The following PCSK4 variants were observed in gnomAD, a reference collection of about 807,000 sequenced individuals.
PCSK4 encodes the protein proprotein convertase subtilisin/kexin type 4, also known as testicular tissue protein Li 135.
In PCSK4, 64 loss-of-function variants were observed where a neutral mutation model predicts 80.3. The ratio of observed to expected loss-of-function variants is 0.80; its 90% CI spans 0.65 to 0.98. PCSK4 has a LOEUF of 0.98. Ranked by LOEUF, PCSK4 falls within the 50% of genes least tolerant of loss-of-function variation. PCSK4 has a pLI of 0.00. For missense variants in PCSK4, 1,213 were observed against 1,093.6 expected, an observed-to-expected ratio of 1.11 and a Z score of -1.54; for synonymous variants, 561 against 487.6, an observed-to-expected ratio of 1.15 and a Z score of -1.98.
intron 1 of PCSK4, 117 bp downstream of exon 1, chr19:1,490,041 G>T (rs1212329894): frequency 1.3e-6 from 2 of 1,520,986 alleles, no homozygotes; most frequent in Non-Finnish European, 1.8e-6. Flanking sequence ...TGAGGCAGGG[G>T]TGGGCTGGGA....
In PCSK4 at chr19:1,486,863, T is replaced by G. The variant is rs1273213235; in HGVS notation, c.1058A>C (p.Asp353Ala). Reference sequence around the variant, plus strand: ...GGCGGCTGCACTCACGATCTGGGGGTCGGTGGCCACGCCGCTGCTGTAGGT... The same window carrying G: ...GGCGGCTGCACTCACGATCTGGGGGGCGGTGGCCACGCCGCTGCTGTAGGT... The change falls in exon 8 of 15, where the codon GAC becomes GCC. Residue 353 changes from aspartate (D) to alanine (A), a missense_variant. By Grantham distance (126) the Asp-to-Ala change is moderately radical (BLOSUM62 -2). Transcript: ENST00000300954. 3 of 1,595,752 alleles carry G rather than the reference T, an allele frequency of 1.9e-6. No individual in the cohort carries two copies. In the Admixed American group the frequency reaches 5.0e-5, roughly 27 times the overall value.
chr19:1,483,669 G>A lies in PCSK4; in HGVS notation c.1372C>T (p.Arg458Trp), dbSNP rs1298029648. ...TCTCACGTGGGGCGGCTCTGGACCC[G>A]GACGGCGCACTTCCTCTGCGGCTGG... The change falls in exon 11 of 15, where the codon CGG (arginine) becomes TGG (tryptophan). Residue 458 changes from arginine to tryptophan, a missense_variant. Coordinates refer to ENST00000300954, the Ensembl canonical transcript of PCSK4. The A allele has an allele frequency of 2.5e-6, 4 of 1,594,616 alleles. No homozygotes were observed. In the Admixed American group the frequency reaches 5.0e-5, roughly 20 times the overall value.
chr19:1,488,517 C>T (rs1345517656), intron 2 of PCSK4, among the ~76,000 whole-genome samples: 1 of 152,068 alleles, frequency 6.6e-6, no homozygotes, highest in Non-Finnish European at 1.5e-5. Context: ...TCCCCGGGTC[C>T]CCACCCCACT....
At chr19:1,487,533 C>G in intron 6 of PCSK4, 70 bp downstream of exon 6, 1 of 1,372,496 alleles carries the variant, frequency 7.3e-7, no homozygotes. Context: ...GTCCTTGGGC[C>G]CAGCTCCCCG....
At chr19:1,481,994 T>G (rs1165516137) in exon 15 of PCSK4, 2 of 1,589,576 alleles carry the variant, frequency 1.3e-6, no homozygotes, top group East Asian at 4.5e-5. Context: ...GCCCTGCTGC[T>G]GGTCCAGCGT....
At chr19:1,481,504 C>T (rs1418388644) in exon 15 of PCSK4, 2 of 399,892 alleles carry the variant, frequency 5.0e-6, no homozygotes, top group Non-Finnish European at 8.9e-6. Flanking sequence ...ACGTTTCTCT[C>T]CCTCCACTTT....
exon 4 of PCSK4, chr19:1,487,968 T>C (rs777176732): frequency 6.2e-7 from 1 of 1,610,826 alleles, no homozygotes. Context: ...TCTCACGTAG[T>C]TGGCCCAGAG....
chr19:1,486,727 C>T (rs942842172), intron 8 of PCSK4, 126 bp downstream of exon 8: 81 of 795,592 alleles, frequency 1.0e-4, no homozygotes, highest in Admixed American at 2.0e-4. Context: ...CCACCGTGCT[C>T]GGCCTGGATT....
At chr19:1,484,886 T>C (rs531846907) in intron 8 of PCSK4, among the ~76,000 whole-genome samples, 13 of 152,184 alleles carry the variant, frequency 8.5e-5, no homozygotes, top group Non-Finnish European at 1.6e-4. Context: ...GGCTCACGCC[T>C]GTAGTCCCAA....
At chr19:1,490,066 A>C in intron 1 of PCSK4, 92 bp downstream of exon 1, 3 of 1,539,922 alleles carry the variant, frequency 1.9e-6, no homozygotes, top group South Asian at 1.2e-5. Flanking sequence ...TGATATTTAG[A>C]AGACCTTGTG....
Position 1,481,819 on chromosome 19 carries a change from C to T in PCSK4, c.2208G>A (p.Trp736Ter). The T allele has an allele frequency of 6.5e-7, 1 of 1,532,564 alleles. No individual in the cohort carries two copies. 94.9% of individuals were successfully genotyped at this position (1,532,564 alleles called of 1,614,324 possible). Residue 736 changes from tryptophan (W) to a stop codon, truncating the protein, a stop_gained, in exon 15 of 15, where the codon TGG (tryptophan) becomes TGA (stop). Transcript: ENST00000300954. LOFTEE classifies it low-confidence loss of function (END_TRUNC). ...TGGGGGTGGCCCTGGCACGGGAGAG[C>T]CAGGCGTATAGTGGGAGGTCCATGG...
chr19:1,482,493 G>A lies in PCSK4; in HGVS notation c.1697-18C>T. 2 of 1,593,178 alleles carry A rather than the reference G, an allele frequency of 1.3e-6. No individual in the cohort carries two copies. Among genetic ancestry groups the A allele is most frequent in the South Asian group, 1.1e-5 (1 of 90,432 alleles). ...CAACGTCCCTGGACAGGGGTCGCGG[G>A]TGGGCACAGGAGGAAAAGGAGGCTC... On this transcript the variant is annotated intron_variant, in intron 13 of 14. Transcript: ENST00000300954.
chr19:1,482,901 T>C, exon 13 of PCSK4: 1 of 1,330,294 alleles, frequency 7.5e-7, no homozygotes, highest in Non-Finnish European at 1.0e-6. Flanking sequence ...CTCACCCGTG[T>C]TGAAATAGTA....
exon 4 of PCSK4, chr19:1,487,979 G>A: frequency 6.2e-7 from 1 of 1,612,714 alleles, no homozygotes; most frequent in Non-Finnish European, 8.5e-7. Flanking sequence ...TGGCCCAGAG[G>A]TCCGGGTGGT....
At position 1,490,305 on chromosome 19, in the gene PCSK4, CAAGA is replaced by C; in HGVS notation, c.38_41del (p.Val13GlyfsTer70). ...CCCGGGGGCGGACAAGGGCCAGGGC[CAAGA>C]CCAGGCGCAGCCACAGCGCAATCGG... On this transcript the variant is annotated frameshift_variant, in exon 1 of 15. Transcript: ENST00000300954. LOFTEE classifies it high-confidence loss of function. 7.9e-6 allele frequency: 12 copies of C among 1,518,066 alleles called. No individual in the cohort carries two copies. The highest frequency in any genetic ancestry group is 1.1e-5 in the Non-Finnish European group (12 of 1,118,632). The allele number at this position is 1,518,066 out of a possible 1,614,324, so 94.0% of individuals were successfully genotyped here. A position where few individuals can be genotyped will look rare whatever the true frequency, so the allele number is the denominator to read the frequency against.
chr19:1,484,540 G>A (rs2084503774), intron 8 of PCSK4, among the ~76,000 whole-genome samples: 1 of 151,356 alleles, frequency 6.6e-6, no homozygotes, highest in African/African-American at 2.4e-5. Flanking sequence ...ACCAAGGGCT[G>A]GGTGCGGTGG....
rs756033594 is a variant in PCSK4 at position 1,482,164 on chromosome 19, G to A, written c.1863C>T (p.Ala621=). ...GGTTGAAGAACCGCGGGGGGCAGTA[G>A]GCCAGGCAGAGCTGTCCCAGGATGT... Residue 621 remains alanine (A), a synonymous_variant, in exon 15 of 15, where the codon GCC becomes GCT. Coordinates refer to ENST00000300954, the Ensembl canonical transcript of PCSK4. 2.6e-6 allele frequency: 4 copies of A among 1,559,670 alleles called. No individual in the cohort carries two copies. In the Admixed American group the frequency reaches 7.3e-5, roughly 28 times the overall value.
In PCSK4 at chr19:1,483,813, C is replaced by T. The variant is rs1415641411; in HGVS notation, c.1273+25G>A. ...CACTCGCCCCGTGGGCCCCGGGTCC[C>T]CGCCCCCGCCCGGCCCCGCCGCACC... On this transcript the variant is annotated intron_variant, in intron 10 of 14. Transcript: ENST00000300954. 6 of 1,488,948 alleles carry T rather than the reference C, an allele frequency of 4.0e-6. No individual in the cohort carries two copies. The South Asian group carries it at 7.8e-5, about 19-fold the overall frequency. 92.2% of individuals were successfully genotyped at this position (1,488,948 alleles called of 1,614,324 possible).
At chr19:1,485,302 CCTG>C (rs1256576167) in intron 8 of PCSK4, among the ~76,000 whole-genome samples, 2 of 150,302 alleles carry the variant, frequency 1.3e-5, no homozygotes, top group African/African-American at 4.9e-5. Context: ...GGTGGCGTGG[CCTG>C]CTATTCCCGG....
Sources: gnomAD v4.1 joint callset for allele counts (sites outside exome capture counted in the v4.1 genomes callset) on GRCh38, gnomAD v4.1.1 for gene constraint, MANE v1.5 for transcripts, NCBI Gene and HGNC (gene_info 2026-07-23, HGNC 2026-07-21) for gene names.